MIGA1: variants seen among roughly 807,000 people sequenced by gnomAD.
The protein encoded by MIGA1 is mitoguardin 1, also known as family with sequence similarity 73, member A.
Under a neutral mutation model 82.0 loss-of-function variants are expected in MIGA1, and 58 were observed. That is an observed-to-expected ratio of 0.71 (90% confidence interval 0.57 to 0.88). The LOEUF is 0.88. Ranked by LOEUF, MIGA1 falls within the 40% of genes least tolerant of loss-of-function variation. MIGA1 has a pLI of 0.00. For synonymous variants in MIGA1, 249 were observed against 253.6 expected (o/e 0.98, Z 0.17); for missense variants, 751 against 749.1 (o/e 1.00, Z -0.03).
At chr1:77,828,189 C>G (rs1446601923) in intron 7 of MIGA1, among the ~76,000 whole-genome samples, 1 of 152,146 alleles carries the variant, frequency 6.6e-6, no homozygotes, top group Non-Finnish European at 1.5e-5. Context: ...ACCTTAAACT[C>G]CTTGTGGGCA....
chr1:77,814,340 G>A (rs1048446284), intron 6 of MIGA1, among the ~76,000 whole-genome samples: 1 of 152,068 alleles, frequency 6.6e-6, no homozygotes, highest in East Asian at 1.9e-4. Context: ...CATTCATCAA[G>A]TTTATTGACT....
Position 77,877,463 on chromosome 1 carries a change from C to T in MIGA1, c.*2399C>T, listed in dbSNP as rs1372725286. 6.6e-6 allele frequency: 1 copy of T among 152,094 alleles called. No individual in the cohort carries two copies. Among genetic ancestry groups the T allele is most frequent in the East Asian group, 1.9e-4 (1 of 5,192 alleles). The allele number at this position is 152,094 out of a possible 1,614,324, so 9.4% of individuals were successfully genotyped here. On this transcript the variant is annotated 3_prime_UTR_variant, in exon 16 of 16. Coordinates refer to ENST00000370791, the MANE Select transcript of MIGA1 (RefSeq NM_198549.4). ...ATTGACGGGAATATGATTAGAAGTA[C>T]CAAAACTAAAAATTCCATTATGTAC...
intron 7 of MIGA1, among the ~76,000 whole-genome samples, chr1:77,827,857 T>A (rs1414941934): frequency 6.6e-6 from 1 of 152,086 alleles, no homozygotes; most frequent in Non-Finnish European, 1.5e-5. Context: ...TAGCTGCTTC[T>A]TGGAGATTGG....
At chr1:77,828,213 A>T (rs936869210) in intron 7 of MIGA1, among the ~76,000 whole-genome samples, 1 of 152,204 alleles carries the variant, frequency 6.6e-6, no homozygotes, top group Admixed American at 6.5e-5. Context: ...GACATACTTA[A>T]TTCTATTCAG....
chr1:77,854,686 C>T (rs1434005510), intron 8 of MIGA1, among the ~76,000 whole-genome samples: 1 of 152,026 alleles, frequency 6.6e-6, no homozygotes, highest in Non-Finnish European at 1.5e-5. Flanking sequence ...TGTTTGTTGG[C>T]CATTTGTATA....
intron 14 of MIGA1, among the ~76,000 whole-genome samples, chr1:77,871,202 T>A (rs942974746): frequency 3.3e-5 from 5 of 151,910 alleles, no homozygotes; most frequent in African/African-American, 1.2e-4. Flanking sequence ...CTATCTTATA[T>A]TTTAAAAATG....
chr1:77,865,005 A>G (rs1218858848), intron 13 of MIGA1, among the ~76,000 whole-genome samples: 2 of 152,230 alleles, frequency 1.3e-5, no homozygotes, highest in African/African-American at 4.8e-5. Context: ...AAGCATTTTA[A>G]ATAAATTCAT....
intron 5 of MIGA1, among the ~76,000 whole-genome samples, chr1:77,807,684 G>C (rs1322681621): frequency 1.3e-5 from 2 of 152,100 alleles, no homozygotes; most frequent in Non-Finnish European, 2.9e-5. Flanking sequence ...TGGAGGCTTA[G>C]GGGAGAATCT....
Position 77,803,257 on chromosome 1 carries a change from G to A in MIGA1, c.374-13G>A, listed in dbSNP as rs749949466. 7.0e-7 allele frequency: 1 copy of A among 1,431,806 alleles called. No individual in the cohort carries two copies. The highest frequency in any genetic ancestry group is 1.6e-5 in the South Asian group (1 of 62,130). 88.7% of individuals were successfully genotyped at this position (1,431,806 alleles called of 1,614,324 possible). A position where few individuals can be genotyped will look rare whatever the true frequency, so the allele number is the denominator to read the frequency against. On this transcript the variant is annotated splice_polypyrimidine_tract_variant and intron_variant, in intron 3 of 15. Coordinates refer to ENST00000370791, the MANE Select transcript of MIGA1 (RefSeq NM_198549.4). Reference sequence around the variant, plus strand: ...TTATTGATATTTTTAATATTAGTATGTTTATTTGATAGGTTCAAGTTGTTC... The same window carrying A: ...TTATTGATATTTTTAATATTAGTATATTTATTTGATAGGTTCAAGTTGTTC...
At chr1:77,831,686 T>A (rs2101857963) in intron 7 of MIGA1, among the ~76,000 whole-genome samples, 1 of 152,338 alleles carries the variant, frequency 6.6e-6, no homozygotes, top group East Asian at 1.9e-4. Flanking sequence ...TGTGATTACA[T>A]GCTTTGGAAG....
intron 1 of MIGA1, 27 bp from the exon 2 acceptor site, chr1:77,783,211 A>T: frequency 1.4e-6 from 2 of 1,465,476 alleles, no homozygotes; most frequent in Non-Finnish European, 1.9e-6. Flanking sequence ...TTTGTGGCTA[A>T]TTTTTTTTAT....
rs112465468 is a variant in MIGA1, at chr1:77,860,106, T to C, written c.1255T>C (p.Leu419=). 19 of 1,610,722 alleles carry C rather than the reference T, an allele frequency of 1.2e-5. No individual in the cohort carries two copies. In the African/African-American group the frequency reaches 1.2e-4, roughly 10 times the overall value. Residue 419 remains leucine (L), a synonymous_variant, in exon 11 of 16, where the codon TTA becomes CTA. Transcript: ENST00000370791. ...GAGCGGAAGGAAAATTTTATCAGCT[T>C]TAATTGTGAAAGCACGAAAGGTAAA... is the stretch of plus-strand genomic sequence containing the variant.
intron 7 of MIGA1, among the ~76,000 whole-genome samples, chr1:77,819,759 T>G (rs1473859043): frequency 2.0e-5 from 3 of 152,006 alleles, no homozygotes; most frequent in African/African-American, 7.2e-5. Context: ...AATTTTTATT[T>G]TGGGTAGAGG....
At chr1:77,845,006 T>G (rs964854892) in intron 8 of MIGA1, among the ~76,000 whole-genome samples, 5 of 152,136 alleles carry the variant, frequency 3.3e-5, no homozygotes, top group Admixed American at 2.6e-4. Flanking sequence ...AGAAGTAGTA[T>G]TACACATCTA....
intron 7 of MIGA1, among the ~76,000 whole-genome samples, chr1:77,826,037 CTT>C (rs1174610929): frequency 1.3e-5 from 2 of 152,188 alleles, no homozygotes; most frequent in African/African-American, 4.8e-5. Context: ...ATGGTAAACA[CTT>C]ATCTATTCAT....
chr1:77,826,314 C>A (rs892288463), intron 7 of MIGA1, among the ~76,000 whole-genome samples: 1 of 151,994 alleles, frequency 6.6e-6, no homozygotes, highest in Non-Finnish European at 1.5e-5. Flanking sequence ...ATAAATCTAC[C>A]TTTTTCCGGG....
Position 77,859,365 on chromosome 1 carries a change from C to G in MIGA1, c.1167C>G (p.His389Gln), listed in dbSNP as rs767055673. The G allele has an allele frequency of 5.0e-6, 8 of 1,613,600 alleles. No homozygotes were observed. Among genetic ancestry groups the G allele is most frequent in the Admixed American group, 3.3e-5 (2 of 59,986 alleles). Residue 389 changes from histidine to glutamine, a missense_variant, in exon 10 of 16, where the codon CAC (histidine) becomes CAG (glutamine). This residue lies in a region of MIGA1 where 265 missense variants were observed against 293.6 expected (regional missense o/e 0.90). Transcript: ENST00000370791. ...ACAGTGATTTTCTTGCCAAACTTCA[C>G]TGTATTCGACAGGCTTTTCAGGTAT...
At chr1:77,860,931 CACATAATGTCTGCTATA>C (rs1236927628) in intron 11 of MIGA1, 1 of 274,672 alleles carries the variant, frequency 3.6e-6, no homozygotes, top group Non-Finnish European at 6.9e-6. Context: ...ACAAAAGCCT[CACATAATGTCTGCTATA>C]ACCAAATTTT....
intron 7 of MIGA1, among the ~76,000 whole-genome samples, chr1:77,832,555 A>T (rs1001833584): frequency 6.6e-6 from 1 of 152,234 alleles, no homozygotes; most frequent in Admixed American, 6.5e-5. Flanking sequence ...AGGAGGAGTG[A>T]CACTTAAAGA....
Sources: allele counts gnomAD v4.1 joint callset (sites outside exome capture counted in the v4.1 genomes callset), GRCh38; gene constraint gnomAD v4.1.1; regional missense constraint gnomAD v4.1.1; transcripts MANE v1.5; gene names NCBI Gene and HGNC (gene_info 2026-07-23, HGNC 2026-07-21).